The following DLGAP2 variants were observed in gnomAD, a reference collection of about 807,000 sequenced individuals.
DLGAP2 encodes the protein disks large-associated protein 2.
In DLGAP2, 26 loss-of-function variants were observed where a neutral mutation model predicts 100.3. The observed-to-expected ratio is 0.26, with a 90% CI of 0.19 to 0.36. DLGAP2 has a LOEUF of 0.36. DLGAP2 is among the 10% of genes least tolerant of loss of function. The probability of loss-of-function intolerance (pLI) is 1.00; values close to 1 mark genes in which losing one functional copy is unlikely to be tolerated. For synonymous variants in DLGAP2, 886 were observed against 630.1 expected (o/e 1.41, Z -6.08); for missense variants, 1,858 against 1,453.2 (o/e 1.28, Z -4.53).
At chr8:1,560,805 G>A (rs193149162) in intron 5 of DLGAP2, among the ~76,000 whole-genome samples, 3 of 152,306 alleles carry the variant, frequency 2.0e-5, no homozygotes, top group Non-Finnish European at 4.4e-5. Context: ...ATTGGCAAAT[G>A]TACACCTGTT....
At chr8:1,495,225 G>A (rs1799508850) in intron 3 of DLGAP2, among the ~76,000 whole-genome samples, 1 of 152,170 alleles carries the variant, frequency 6.6e-6, no homozygotes. Flanking sequence ...TGCTGGGTCT[G>A]AACCTGTGGC....
At chr8:1,038,365 C>T (rs1406704804) in intron 2 of DLGAP2, among the ~76,000 whole-genome samples, 1 of 152,090 alleles carries the variant, frequency 6.6e-6, no homozygotes, top group Non-Finnish European at 1.5e-5. Context: ...TGTGATTGAC[C>T]TTGGCAGGGA....
chr8:1,047,225 A>G (rs1462731651), intron 2 of DLGAP2, among the ~76,000 whole-genome samples: 1 of 152,242 alleles, frequency 6.6e-6, no homozygotes, highest in African/African-American at 2.4e-5. Context: ...TTCATATGAA[A>G]GGAAACATAC....
At chr8:1,099,116 C>A (rs2129043318) in intron 2 of DLGAP2, among the ~76,000 whole-genome samples, 1 of 152,222 alleles carries the variant, frequency 6.6e-6, no homozygotes, top group Admixed American at 6.5e-5. Flanking sequence ...AAAATAACCC[C>A]AGTTCTCAGC....
chr8:806,763 C>T (rs1321978428), intron 1 of DLGAP2, among the ~76,000 whole-genome samples: 1 of 152,214 alleles, frequency 6.6e-6, no homozygotes, highest in African/African-American at 2.4e-5. Context: ...GCAGACTCTC[C>T]TACTCAATTA....
At chr8:887,822 A>G (rs1268386789) in intron 1 of DLGAP2, among the ~76,000 whole-genome samples, 4 of 151,782 alleles carry the variant, frequency 2.6e-5, no homozygotes, top group Non-Finnish European at 4.4e-5. Context: ...CTTCATTTCA[A>G]CCTTGGAGAA....
intron 3 of DLGAP2, chr8:1,368,764 A>T (rs903137467): frequency 6.6e-6 from 1 of 152,226 alleles, no homozygotes. Flanking sequence ...CCAGAAATAC[A>T]GCCGCAGCAG....
intron 3 of DLGAP2, among the ~76,000 whole-genome samples, chr8:1,291,955 G>T (rs976990189): frequency 1.3e-5 from 2 of 152,122 alleles, no homozygotes; most frequent in African/African-American, 4.8e-5. Flanking sequence ...ACAATCCAGG[G>T]GCCTGAAAGA....
chr8:796,767 A>C (rs1796353635), intron 1 of DLGAP2, among the ~76,000 whole-genome samples: 1 of 152,154 alleles, frequency 6.6e-6, no homozygotes, highest in Non-Finnish European at 1.5e-5. Flanking sequence ...CCCGCACTAT[A>C]ACATGCCAGC....
chr8:844,187 G>A (rs768938553), intron 1 of DLGAP2, among the ~76,000 whole-genome samples: 1 of 152,220 alleles, frequency 6.6e-6, no homozygotes, highest in Non-Finnish European at 1.5e-5. Flanking sequence ...TTGTGAGAGT[G>A]AGGAATTAGT....
At chr8:947,188 A>G (rs1799347968) in intron 2 of DLGAP2, among the ~76,000 whole-genome samples, 1 of 152,180 alleles carries the variant, frequency 6.6e-6, no homozygotes, top group Non-Finnish European at 1.5e-5. Flanking sequence ...TTCTTACTGT[A>G]AGAACAACCC....
In DLGAP2 at chr8:1,507,781, G is replaced by C. The variant is rs147771833; in HGVS notation, c.172+6350G>C. Among the ~76,000 whole-genome samples the C allele has an allele frequency of 2.0e-3, 302 of 150,274 alleles. 2 individuals are homozygous for C. Among genetic ancestry groups the C allele is most frequent in the African/African-American group, 5.9e-3 (238 of 40,300 alleles). ...CACCGAGTCTTCCTCCTTCACCCAC[G>C]ACCCTCCTTCACCCACCACCCTCCC... is the stretch of plus-strand genomic sequence containing the variant. On this transcript the variant is annotated intron_variant, in intron 4 of 14. Coordinates refer to ENST00000637795, the MANE Select transcript of DLGAP2 (RefSeq NM_001346810.2).
intron 3 of DLGAP2, among the ~76,000 whole-genome samples, chr8:1,341,732 G>T (rs1237903157): frequency 6.6e-6 from 1 of 152,170 alleles, no homozygotes; most frequent in East Asian, 1.9e-4. Flanking sequence ...GCCCTTTTGG[G>T]CACGTTAGCA....
chr8:1,068,399 C>T (rs531229959), intron 2 of DLGAP2, among the ~76,000 whole-genome samples: 3 of 152,332 alleles, frequency 2.0e-5, no homozygotes, highest in Admixed American at 6.5e-5. Flanking sequence ...AACGCAGCTG[C>T]GTTGTTCACC....
chr8:1,105,666 T>G (rs1322475133), intron 2 of DLGAP2, among the ~76,000 whole-genome samples: 5 of 145,070 alleles, frequency 3.4e-5, no homozygotes, highest in Admixed American at 2.8e-4. Context: ...GGTTTTCTAC[T>G]GAAGGGGGCC....
At chr8:779,352 T>C (rs1821624094) in intron 1 of DLGAP2, among the ~76,000 whole-genome samples, 1 of 152,196 alleles carries the variant, frequency 6.6e-6, no homozygotes, top group Non-Finnish European at 1.5e-5. Context: ...TATTCGGCCA[T>C]CTTGGCTCCT....
chr8:770,497 A>G (rs1414128179), intron 1 of DLGAP2, among the ~76,000 whole-genome samples: 2 of 152,210 alleles, frequency 1.3e-5, no homozygotes, highest in African/African-American at 4.8e-5. Flanking sequence ...GCAGGAAGCC[A>G]TATGTTCCTC....
At chr8:1,282,696 C>T (rs1440978882) in intron 3 of DLGAP2, among the ~76,000 whole-genome samples, 2 of 136,156 alleles carry the variant, frequency 1.5e-5, no homozygotes, top group South Asian at 2.4e-4. Flanking sequence ...ATGAACCATC[C>T]AGACGTGGTG....
chr8:1,041,533 C>A (rs191812969), intron 2 of DLGAP2, among the ~76,000 whole-genome samples: 2 of 150,918 alleles, frequency 1.3e-5, no homozygotes, highest in Admixed American at 1.3e-4. Flanking sequence ...AGCCCCTTGC[C>A]GTGGGTGAGT....
Sources: allele counts gnomAD v4.1 joint callset (sites outside exome capture counted in the v4.1 genomes callset), GRCh38; gene constraint gnomAD v4.1.1; transcripts MANE v1.5; gene names NCBI Gene and HGNC (gene_info 2026-07-23, HGNC 2026-07-21).